Variants in BACH2 observed in about 807,000 individuals in gnomAD.
BACH2 encodes BACH transcriptional regulator 2, also known as transcription regulator protein BACH2.
In BACH2, 5 loss-of-function variants were observed where a neutral mutation model predicts 61.8. The observed-to-expected ratio is 0.08, with a 90% confidence interval of 0.04 to 0.17. BACH2 has a LOEUF of 0.17. Ranked by LOEUF, BACH2 falls within the 10% of genes least tolerant of loss-of-function variation. The pLI is 1.00. For missense variants in BACH2, 824 were observed against 1,091.1 expected, an observed-to-expected ratio of 0.76 and a Z score of 3.45; for synonymous variants, 446 against 440.1, an observed-to-expected ratio of 1.01 and a Z score of -0.17.
At chr6:90,204,797 C>T (rs1473016644) in intron 4 of BACH2, among the ~76,000 whole-genome samples, 1 of 152,194 alleles carries the variant, frequency 6.6e-6, no homozygotes, top group Non-Finnish European at 1.5e-5. Flanking sequence ...CCAGTCATGA[C>T]CCTGGGGCAG....
chr6:90,013,632 A>C (rs1283743810), intron 5 of BACH2, among the ~76,000 whole-genome samples: 1 of 150,170 alleles, frequency 6.7e-6, no homozygotes, highest in Non-Finnish European at 1.5e-5. Flanking sequence ...TCAGCCTCCC[A>C]AGTAGCTGGG....
intron 3 of BACH2, among the ~76,000 whole-genome samples, chr6:90,212,174 T>G (rs1769377217): frequency 6.6e-6 from 1 of 152,200 alleles, no homozygotes; most frequent in Admixed American, 6.5e-5. Flanking sequence ...CTGGACAATC[T>G]TCAACTGGAG....
At chr6:89,940,048 T>C (rs1773327589) in intron 7 of BACH2, among the ~76,000 whole-genome samples, 1 of 151,872 alleles carries the variant, frequency 6.6e-6, no homozygotes, top group Admixed American at 6.6e-5. Context: ...TCTCGGTCTG[T>C]CACCCAGGCT....
At chr6:90,009,715 G>A (rs1777605317) in intron 5 of BACH2, among the ~76,000 whole-genome samples, 2 of 152,196 alleles carry the variant, frequency 1.3e-5, no homozygotes, top group Admixed American at 1.3e-4. Flanking sequence ...CCAGGCTGAA[G>A]TGCAATGGTG....
chr6:90,023,618 T>C (rs9444730), intron 5 of BACH2, among the ~76,000 whole-genome samples: 1 of 152,022 alleles, frequency 6.6e-6, no homozygotes, highest in Non-Finnish European at 1.5e-5. Context: ...GGAGTAAATG[T>C]GTCCTCTCAA....
intron 4 of BACH2, among the ~76,000 whole-genome samples, chr6:90,165,640 C>T (rs1767583685): frequency 6.6e-6 from 1 of 152,156 alleles, no homozygotes; most frequent in Non-Finnish European, 1.5e-5. Context: ...AGGCATCACA[C>T]TACCTGACTT....
At chr6:89,953,038 C>T (rs185543445) in intron 6 of BACH2, 1 of 152,166 alleles carries the variant, frequency 6.6e-6, no homozygotes, top group African/African-American at 2.4e-5. Flanking sequence ...ATCATGGGGT[C>T]CTTGCTAGAG....
chr6:90,120,611 A>C (rs1284422980), intron 4 of BACH2, among the ~76,000 whole-genome samples: 1 of 152,206 alleles, frequency 6.6e-6, no homozygotes, highest in Non-Finnish European at 1.5e-5. Context: ...GAACCGTTCA[A>C]ATCATCTGAA....
At chr6:89,935,987 T>A (rs1772997932) in intron 8 of BACH2, among the ~76,000 whole-genome samples, 1 of 152,232 alleles carries the variant, frequency 6.6e-6, no homozygotes, top group African/African-American at 2.4e-5. Context: ...ACATTAAACA[T>A]GTTAAAGCAA....
At chr6:90,121,529 C>A (rs1334664443) in intron 4 of BACH2, among the ~76,000 whole-genome samples, 1 of 152,060 alleles carries the variant, frequency 6.6e-6, no homozygotes, top group African/African-American at 2.4e-5. Context: ...AAAGCCTTTG[C>A]ATTTTATTAA....
At chr6:90,154,865 C>T (rs993063937) in intron 4 of BACH2, among the ~76,000 whole-genome samples, 1 of 152,156 alleles carries the variant, frequency 6.6e-6, no homozygotes, top group Non-Finnish European at 1.5e-5. Context: ...TTGTGTACAG[C>T]CACAGACAAT....
intron 5 of BACH2, among the ~76,000 whole-genome samples, chr6:90,021,317 A>AC (rs1298947104): frequency 6.8e-6 from 1 of 146,640 alleles, no homozygotes; most frequent in Non-Finnish European, 1.5e-5. Flanking sequence ...AAAAAAAAAA[A>AC]CCAACAAAAA....
At chr6:90,274,032 A>G (rs796794316) in intron 1 of BACH2, among the ~76,000 whole-genome samples, 5 of 152,344 alleles carry the variant, frequency 3.3e-5, no homozygotes, top group African/African-American at 1.2e-4. Flanking sequence ...TCCGTGCTCC[A>G]AGGACAGTAA....
At position 90,008,764 on chromosome 6, in the gene BACH2, G is replaced by A. The variant is rs781777402; in HGVS notation, c.81C>T (p.Leu27=). Residue 27 remains leucine, a synonymous_variant, in exon 6 of 9, where the codon CTC becomes CTT. Transcript: ENST00000257749. This position sits in a 1 kb window ranked among gnomAD's most constrained non-coding sequence, Gnocchi z 4.1. ...TVHCTNILLG[L]NDQRKKDILC... is the part of the protein sequence containing the mutation. ...GAATATCCTTTTTCCGCTGGTCATTGAGGCCCAGGAGGATGTTGGTGCAGT... is the reference window on the plus strand; with the variant it reads ...GAATATCCTTTTTCCGCTGGTCATTAAGGCCCAGGAGGATGTTGGTGCAGT... 6.2e-7 allele frequency: 1 copy of A among 1,614,164 alleles called. No homozygotes were observed. The highest frequency in any genetic ancestry group is 1.1e-5 in the South Asian group (1 of 91,076).
chr6:89,939,336 C>G (rs1404405122), intron 7 of BACH2, among the ~76,000 whole-genome samples: 1 of 152,238 alleles, frequency 6.6e-6, no homozygotes, highest in African/African-American at 2.4e-5. Flanking sequence ...CAGCCAACAT[C>G]TGACTTCACC....
chr6:90,049,676 T>C (rs1012295389), intron 5 of BACH2, among the ~76,000 whole-genome samples: 6 of 152,284 alleles, frequency 3.9e-5, no homozygotes, highest in South Asian at 2.1e-4. Flanking sequence ...ATACTCACCA[T>C]AGAACAGGGT....
chr6:90,045,425 A>G (rs537656380), intron 5 of BACH2, among the ~76,000 whole-genome samples: 2 of 152,354 alleles, frequency 1.3e-5, no homozygotes, highest in South Asian at 4.1e-4. Flanking sequence ...CGACATCAAC[A>G]GATGTACACA....
intron 2 of BACH2, among the ~76,000 whole-genome samples, chr6:90,260,204 A>T (rs1771113071): frequency 6.6e-6 from 1 of 152,184 alleles, no homozygotes; most frequent in South Asian, 2.1e-4. Flanking sequence ...CTTTCCTCTC[A>T]GAACTGCTTC....
At chr6:89,957,505 C>T (rs1483125784) in intron 6 of BACH2, among the ~76,000 whole-genome samples, 2 of 152,046 alleles carry the variant, frequency 1.3e-5, no homozygotes, top group African/African-American at 4.8e-5. Flanking sequence ...ACTAGAATTA[C>T]AGGTGTAAGC....
Sources: gnomAD v4.1 joint callset for allele counts (sites outside exome capture counted in the v4.1 genomes callset) on GRCh38, gnomAD v4.1.1 for gene constraint, Gnocchi (gnomAD v3.1) non-coding constraint, MANE v1.5 for transcripts, NCBI Gene and HGNC (gene_info 2026-07-23, HGNC 2026-07-21) for gene names.